Variants in COL23A1 observed in about 807,000 individuals in gnomAD.
COL23A1 encodes the protein collagen type XXIII alpha 1 chain.
COL23A1 carries 97 observed loss-of-function variants against 99.3 expected under a neutral mutation model. The ratio of observed to expected loss-of-function variants is 0.98; its 90% CI spans 0.83 to 1.16. The LOEUF is 1.16. Ranked by LOEUF, COL23A1 falls within the 50% of genes most tolerant of loss-of-function variation. The pLI is 0.00. For missense variants in COL23A1, 762 were observed against 757.4 expected (o/e 1.01, Z -0.07); for synonymous variants, 320 against 308.2 (o/e 1.04, Z -0.40).
intron 2 of COL23A1, among the ~76,000 whole-genome samples, chr5:178,551,048 G>C (rs1166534206): frequency 6.6e-6 from 1 of 151,014 alleles, no homozygotes; most frequent in Non-Finnish European, 1.5e-5. Flanking sequence ...TTCCATTTTT[G>C]GAGAGAAACA....
Position 178,428,686 on chromosome 5 carries a change from C to T in COL23A1, c.362-121767G>A, listed in dbSNP as rs1766083975. Among the ~76,000 whole-genome samples, 1 of 152,206 alleles carries T rather than the reference C, an allele frequency of 6.6e-6. No homozygotes were observed. The highest frequency in any genetic ancestry group is 1.5e-5 in the Non-Finnish European group (1 of 68,042). Reference sequence around the variant, plus strand: ...TTGTGTGCTGGGGCTGGGCTGGGGACAGGATGTTTTCTGCTTCTCCAGGAC... The same window carrying T: ...TTGTGTGCTGGGGCTGGGCTGGGGATAGGATGTTTTCTGCTTCTCCAGGAC... On this transcript the variant is annotated intron_variant, in intron 2 of 28. Coordinates refer to ENST00000390654, the MANE Select transcript of COL23A1 (RefSeq NM_173465.4). This position sits in a 1 kb window ranked among gnomAD's most constrained non-coding sequence, Gnocchi z 5.0.
chr5:178,414,570 G>T (rs1409291724), intron 2 of COL23A1, among the ~76,000 whole-genome samples: 1 of 152,126 alleles, frequency 6.6e-6, no homozygotes, highest in African/African-American at 2.4e-5. Context: ...TCAGGAGTTC[G>T]AGACCAGCCT....
intron 2 of COL23A1, among the ~76,000 whole-genome samples, chr5:178,357,523 A>G (rs1265171847): frequency 6.6e-6 from 1 of 152,220 alleles, no homozygotes; most frequent in African/African-American, 2.4e-5. Context: ...AGTTCTTTGA[A>G]GGAAAACATA....
intron 2 of COL23A1, among the ~76,000 whole-genome samples, chr5:178,349,046 C>T (rs1761150559): frequency 6.6e-6 from 1 of 152,170 alleles, no homozygotes; most frequent in Non-Finnish European, 1.5e-5. Context: ...CTTCCTGCGT[C>T]TTGCCGGGCA....
At chr5:178,352,646 C>T (rs931491739) in intron 2 of COL23A1, among the ~76,000 whole-genome samples, 6 of 152,338 alleles carry the variant, frequency 3.9e-5, no homozygotes, top group Non-Finnish European at 5.9e-5. Context: ...GAGACAAGGG[C>T]GATCCGTTTC....
intron 2 of COL23A1, among the ~76,000 whole-genome samples, chr5:178,471,263 C>T (rs1756735117): frequency 6.6e-6 from 1 of 151,704 alleles, no homozygotes; most frequent in South Asian, 2.1e-4. Flanking sequence ...TTTTTTGAGA[C>T]AGAGTCTCGC....
intron 2 of COL23A1, among the ~76,000 whole-genome samples, chr5:178,493,250 C>A (rs1360127780): frequency 6.6e-6 from 1 of 152,208 alleles, no homozygotes; most frequent in African/African-American, 2.4e-5. Context: ...ATACACCATT[C>A]CTTATCTATC....
At chr5:178,509,308 G>A (rs1334994363) in intron 2 of COL23A1, among the ~76,000 whole-genome samples, 1 of 151,856 alleles carries the variant, frequency 6.6e-6, no homozygotes, top group African/African-American at 2.4e-5. Context: ...TGCAACCTCT[G>A]CCTCCTAGGT....
Position 178,310,788 on chromosome 5 carries a change from C to A in COL23A1, c.362-3869G>T, listed in dbSNP as rs1175316678. ...GGCTGCAGCTAAGACCTGGCTCCAA[C>A]AAGCAAAACCAGGCCTTTGGCCAGG... On this transcript the variant is annotated intron_variant, in intron 2 of 28. Coordinates refer to ENST00000390654, the MANE Select transcript of COL23A1 (RefSeq NM_173465.4). The surrounding 1 kb of genome is among the most constrained non-coding windows in gnomAD (Gnocchi z 4.3). Among the ~76,000 whole-genome samples the A allele has an allele frequency of 6.6e-6, 1 of 152,136 alleles. No individual in the cohort carries two copies. Among genetic ancestry groups the A allele is most frequent in the Non-Finnish European group, 1.5e-5 (1 of 68,018 alleles).
chr5:178,542,435 C>T (rs932465449), intron 2 of COL23A1, among the ~76,000 whole-genome samples: 1 of 152,140 alleles, frequency 6.6e-6, no homozygotes, highest in African/African-American at 2.4e-5. Context: ...GTGGCAGAGT[C>T]ACAGAATATT....
chr5:178,561,642 TCCCAATGAAGACA>T (rs1762564519), intron 1 of COL23A1, among the ~76,000 whole-genome samples: 2 of 151,744 alleles, frequency 1.3e-5, no homozygotes, highest in South Asian at 4.2e-4. Flanking sequence ...AGAACTTGAG[TCCCAATGAAGACA>T]CACAGTTTTA....
At chr5:178,492,620 A>G (rs572316134) in intron 2 of COL23A1, among the ~76,000 whole-genome samples, 65 of 151,940 alleles carry the variant, frequency 4.3e-4, no homozygotes, top group African/African-American at 1.4e-3. Context: ...GCCACAACGC[A>G]AATGCACCTC....
chr5:178,258,262 T>C (rs112891585), intron 12 of COL23A1, among the ~76,000 whole-genome samples: 22,535 of 103,094 alleles, frequency 0.22, 4,121 homozygotes, highest in Middle Eastern at 0.26. Context: ...TATATATATA[T>C]ACACATGCAA....
At chr5:178,246,067 G>C in intron 24 of COL23A1, 99 bp from the exon 25 acceptor site, 1 of 1,449,752 alleles carries the variant, frequency 6.9e-7, no homozygotes, top group Admixed American at 1.7e-5. Context: ...CAGACATGGG[G>C]GCAAGGAGAC....
At chr5:178,373,883 G>T (rs930538729) in intron 2 of COL23A1, among the ~76,000 whole-genome samples, 2 of 152,308 alleles carry the variant, frequency 1.3e-5, no homozygotes, top group South Asian at 4.1e-4. Flanking sequence ...GCAGAGCAGG[G>T]CAGTCAGAGC....
chr5:178,301,378 T>C (rs1758023498), intron 3 of COL23A1, among the ~76,000 whole-genome samples: 1 of 152,256 alleles, frequency 6.6e-6, no homozygotes, highest in Non-Finnish European at 1.5e-5. Flanking sequence ...CTTTAGTTTT[T>C]TGAACATATT....
chr5:178,416,297 T>TA (rs1765304595), intron 2 of COL23A1, among the ~76,000 whole-genome samples: 1 of 152,118 alleles, frequency 6.6e-6, no homozygotes, highest in Non-Finnish European at 1.5e-5. Flanking sequence ...GGTTCAGTCT[T>TA]AGAGATGCGC....
intron 2 of COL23A1, among the ~76,000 whole-genome samples, chr5:178,536,151 G>T (rs1760925825): frequency 6.6e-6 from 1 of 152,256 alleles, no homozygotes; most frequent in Non-Finnish European, 1.5e-5. Flanking sequence ...TCTCCTTTGA[G>T]GAACAATTCA....
At chr5:178,478,465 C>G (rs192515666) in intron 2 of COL23A1, among the ~76,000 whole-genome samples, 2 of 152,306 alleles carry the variant, frequency 1.3e-5, no homozygotes, top group Non-Finnish European at 2.9e-5. Flanking sequence ...TGCCCAGATT[C>G]TGCATATTTT....
Sources: allele counts gnomAD v4.1 joint callset (sites outside exome capture counted in the v4.1 genomes callset), GRCh38; gene constraint gnomAD v4.1.1; non-coding constraint Gnocchi (gnomAD v3.1); transcripts MANE v1.5; gene names NCBI Gene and HGNC (gene_info 2026-07-23, HGNC 2026-07-21).